EFCAB5: variants seen among roughly 807,000 people sequenced by gnomAD.
EFCAB5 encodes the protein EF-hand calcium-binding domain-containing protein 5.
A neutral mutation model predicts 167.9 loss-of-function variants in EFCAB5; 131 were observed. The observed-to-expected ratio is 0.78, with a 90% CI of 0.68 to 0.90. The LOEUF is 0.90. Ranked by LOEUF, EFCAB5 falls within the 40% of genes least tolerant of loss-of-function variation. The pLI is 0.00. For missense variants in EFCAB5, 1,663 were observed against 1,745.2 expected, an observed-to-expected ratio of 0.95 and a Z score of 0.84; for synonymous variants, 574 against 602.8, an observed-to-expected ratio of 0.95 and a Z score of 0.70.
chr17:30,079,883 AACTCAG>A (rs1312234888), intron 15 of EFCAB5, among the ~76,000 whole-genome samples, 183 bp from the exon 16 acceptor site: 1 of 152,214 alleles, frequency 6.6e-6, no homozygotes, highest in Non-Finnish European at 1.5e-5. Flanking sequence ...TACCCACTGA[AACTCAG>A]ACTTACAGGA....
At chr17:29,957,391 G>A (rs2067638897) in intron 3 of EFCAB5, among the ~76,000 whole-genome samples, 1 of 152,000 alleles carries the variant, frequency 6.6e-6, no homozygotes, top group Non-Finnish European at 1.5e-5. Flanking sequence ...AGGTAAACAT[G>A]TGCTATGGTT....
At chr17:29,933,883 G>A (rs973661741) in intron 1 of EFCAB5, among the ~76,000 whole-genome samples, 1 of 152,052 alleles carries the variant, frequency 6.6e-6, no homozygotes, top group Admixed American at 6.6e-5. Context: ...TCCACATCAT[G>A]ACATCCATAG....
intron 14 of EFCAB5, chr17:30,073,190 G>A (rs1172787972): frequency 1.4e-6 from 1 of 693,614 alleles, no homozygotes; most frequent in Non-Finnish European, 2.6e-6. Context: ...TGAGCAACTG[G>A]GACTACAGGT....
chr17:30,077,606 G>A (rs1425628494), intron 14 of EFCAB5, among the ~76,000 whole-genome samples: 1 of 152,122 alleles, frequency 6.6e-6, no homozygotes, highest in Non-Finnish European at 1.5e-5. Context: ...GAGAAGACAT[G>A]TGAATACAGA....
At position 30,053,391 on chromosome 17, in the gene EFCAB5, A is replaced by G; in HGVS notation, c.1437A>G (p.Lys479=). ...NTLLSANHAS[K]TQSKLLESPD... ...TACTTTCTGCAAATCATGCTAGCAA[A>G]ACCCAAAGTAAATTATTAGAAAGTC... is the stretch of plus-strand genomic sequence containing the variant. The change falls in exon 10 of 23, where the codon AAA becomes AAG. Residue 479 remains lysine (K), a synonymous_variant. Coordinates refer to ENST00000394835, the MANE Select transcript of EFCAB5 (RefSeq NM_198529.4). The G allele has an allele frequency of 1.2e-6, 2 of 1,614,024 alleles. No individual in the cohort carries two copies. Among genetic ancestry groups the G allele is most frequent in the Non-Finnish European group, 1.7e-6 (2 of 1,179,900 alleles).
chr17:29,968,083 G>A (rs912237044), intron 3 of EFCAB5, among the ~76,000 whole-genome samples: 6 of 151,830 alleles, frequency 4.0e-5, no homozygotes, highest in Admixed American at 6.6e-5. Context: ...CTAATGTTGC[G>A]TAGGCTGGTC....
At chr17:29,939,164 G>A (rs112587205), upstream of EFCAB5, among the ~76,000 whole-genome samples, 1 of 152,102 alleles carries the variant, frequency 6.6e-6, no homozygotes, top group African/African-American at 2.4e-5. Flanking sequence ...TTCCATCAGA[G>A]CTCTTAGGTG....
intron 22 of EFCAB5, among the ~76,000 whole-genome samples, chr17:30,105,697 G>A (rs1467099752): frequency 3.3e-5 from 5 of 151,934 alleles, no homozygotes; most frequent in Non-Finnish European, 7.4e-5. Flanking sequence ...GCTATAATCT[G>A]GAAAGAATTT....
Position 30,053,367 on chromosome 17 carries a change from A to C in EFCAB5, c.1413A>C (p.Leu471Phe). The change falls in exon 10 of 23, where the codon TTA becomes TTC. Residue 471 changes from leucine (L) to phenylalanine (F), a missense_variant. Coordinates refer to ENST00000394835, the MANE Select transcript of EFCAB5 (RefSeq NM_198529.4). Reference protein sequence around the residue: ...FDKVLLEMNTLLSANHASKTQ... With the variant: ...FDKVLLEMNTFLSANHASKTQ... ...AAGTGCTCTTGGAGATGAATACATTACTTTCTGCAAATCATGCTAGCAAAA... is the reference window on the plus strand; with the variant it reads ...AAGTGCTCTTGGAGATGAATACATTCCTTTCTGCAAATCATGCTAGCAAAA... 6.2e-7 allele frequency: 1 copy of C among 1,614,056 alleles called. No homozygotes were observed. Among genetic ancestry groups the C allele is most frequent in the South Asian group, 1.1e-5 (1 of 91,090 alleles).
At chr17:30,015,269 A>C (rs1402242895) in intron 7 of EFCAB5, among the ~76,000 whole-genome samples, 1 of 151,980 alleles carries the variant, frequency 6.6e-6, no homozygotes, top group Non-Finnish European at 1.5e-5. Context: ...TCTGACAATT[A>C]TGTGTCTTGG....
At chr17:30,012,266 T>C (rs2068922723) in intron 7 of EFCAB5, among the ~76,000 whole-genome samples, 1 of 152,108 alleles carries the variant, frequency 6.6e-6, no homozygotes, top group African/African-American at 2.4e-5. Context: ...CTCCACCTCT[T>C]GTGAAGGGGC....
Position 29,951,513 on chromosome 17 carries a change from AT to A in EFCAB5, c.190+7875del, listed in dbSNP as rs113648292. ...CCACCACACCTGGCTAATTTTTTGTATTTTTTTTTTTATTTTTTTTTTTAGT... is the reference window on the plus strand; with the variant it reads ...CCACCACACCTGGCTAATTTTTTGTATTTTTTTTTTATTTTTTTTTTTAGT... On this transcript the variant is annotated intron_variant, in intron 3 of 22. Transcript: ENST00000394835. Among the ~76,000 whole-genome samples the A allele has an allele frequency of 2.9e-3, 419 of 143,920 alleles. 3 individuals are homozygous for A. Among genetic ancestry groups the A allele is most frequent in the African/African-American group, 8.8e-3 (339 of 38,352 alleles). 94.4% of individuals were successfully genotyped at this position (143,920 alleles called of 152,430 possible).
chr17:29,942,121 A>G, intron 1 of EFCAB5, 119 bp from the exon 2 acceptor site: 1 of 832,346 alleles, frequency 1.2e-6, no homozygotes. Flanking sequence ...ATTTCACATG[A>G]TATTTACTCA....
At chr17:30,103,657 C>T (rs2071408762) in intron 22 of EFCAB5, among the ~76,000 whole-genome samples, 1 of 152,172 alleles carries the variant, frequency 6.6e-6, no homozygotes, top group Non-Finnish European at 1.5e-5. Flanking sequence ...TTAACAATGA[C>T]ATATTAAATT....
chr17:30,082,800 A>T, intron 17 of EFCAB5, 91 bp from the exon 18 acceptor site: 1 of 1,279,234 alleles, frequency 7.8e-7, no homozygotes, highest in Non-Finnish European at 1.1e-6. Flanking sequence ...TGAAGTAATT[A>T]AATTACTGGT....
chr17:30,073,154 C>G, intron 14 of EFCAB5: 1 of 699,706 alleles, frequency 1.4e-6, no homozygotes. Flanking sequence ...CTCCCGGACT[C>G]AAGCGATCAT....
intron 22 of EFCAB5, among the ~76,000 whole-genome samples, chr17:30,104,899 T>C (rs1246046635): frequency 2.0e-5 from 3 of 152,116 alleles, no homozygotes; most frequent in Non-Finnish European, 4.4e-5. Flanking sequence ...ACCATCCCCG[T>C]GTCGTTGAAT....
intron 7 of EFCAB5, among the ~76,000 whole-genome samples, chr17:30,000,785 G>C (rs1355172261): frequency 6.6e-6 from 1 of 152,158 alleles, no homozygotes; most frequent in Non-Finnish European, 1.5e-5. Flanking sequence ...TGTTCTAACT[G>C]TGTTTTCTTA....
At chr17:30,013,417 G>A (rs1220724292) in intron 7 of EFCAB5, among the ~76,000 whole-genome samples, 1 of 152,152 alleles carries the variant, frequency 6.6e-6, no homozygotes, top group African/African-American at 2.4e-5. Flanking sequence ...ATTCGGCTGT[G>A]AATCCATCTG....
Sources: allele counts gnomAD v4.1 joint callset (sites outside exome capture counted in the v4.1 genomes callset), GRCh38; gene constraint gnomAD v4.1.1; transcripts MANE v1.5; gene names NCBI Gene and HGNC (gene_info 2026-07-23, HGNC 2026-07-21).